The following UBR3 variants were observed in gnomAD, a reference collection of about 807,000 sequenced individuals.
UBR3 encodes E3 ubiquitin-protein ligase UBR3.
A neutral mutation model predicts 243.2 loss-of-function variants in UBR3; 85 were observed. That is an observed-to-expected ratio of 0.35 (90% CI 0.29 to 0.42). The LOEUF (loss-of-function observed/expected upper bound fraction) is 0.42, where lower values mean the gene tolerates loss of function less well. UBR3 is among the 10% of genes least tolerant of loss of function. The pLI, the probability that UBR3 is intolerant of heterozygous loss-of-function variation, is 1.00. For synonymous variants in UBR3, 748 were observed against 799.8 expected (o/e 0.94, Z 1.09); for missense variants, 1,686 against 2,300.8 (o/e 0.73, Z 5.47).
chr2:169,955,462 A>G (rs888483909), intron 23 of UBR3, among the ~76,000 whole-genome samples: 1 of 151,844 alleles, frequency 6.6e-6, no homozygotes, highest in African/African-American at 2.4e-5. Context: ...TATTCCCATC[A>G]TTCTTTGAGC....
At chr2:169,888,860 A>G (rs2084214368) in intron 5 of UBR3, among the ~76,000 whole-genome samples, 1 of 152,136 alleles carries the variant, frequency 6.6e-6, no homozygotes, top group African/African-American at 2.4e-5. Flanking sequence ...TTTTCTTTAT[A>G]TGGTACAGGT....
At chr2:170,031,222 G>A (rs1009587287) in intron 31 of UBR3, among the ~76,000 whole-genome samples, 5 of 151,936 alleles carry the variant, frequency 3.3e-5, no homozygotes, top group African/African-American at 9.7e-5. Flanking sequence ...TAGGATTACC[G>A]GTGCGCACCA....
At chr2:169,978,640 A>T (rs1184488797) in intron 24 of UBR3, among the ~76,000 whole-genome samples, 27 of 152,138 alleles carry the variant, frequency 1.8e-4, no homozygotes, top group Admixed American at 1.7e-3. Context: ...GCTTGGCAGT[A>T]TCCCAGACTC....
intron 10 of UBR3, among the ~76,000 whole-genome samples, chr2:169,912,011 A>G (rs1235509625): frequency 4.6e-5 from 7 of 152,202 alleles, no homozygotes. Flanking sequence ...GCATGAAGCT[A>G]TATTATAATA....
At chr2:170,028,128 G>T (rs1038647663) in intron 30 of UBR3, among the ~76,000 whole-genome samples, 3 of 151,838 alleles carry the variant, frequency 2.0e-5, no homozygotes, top group Non-Finnish European at 4.4e-5. Flanking sequence ...TCCTCTGTTC[G>T]TTATAGAGAG....
At chr2:169,871,072 T>C (rs2083423334) in intron 1 of UBR3, among the ~76,000 whole-genome samples, 1 of 152,186 alleles carries the variant, frequency 6.6e-6, no homozygotes, top group Admixed American at 6.5e-5. Context: ...CCCTTCTACT[T>C]ATTTCTAGGC....
chr2:169,943,710 G>C (rs532374486), intron 20 of UBR3, among the ~76,000 whole-genome samples: 252 of 152,118 alleles, frequency 1.7e-3, no homozygotes, highest in Non-Finnish European at 1.5e-3. Flanking sequence ...AAAACCTATT[G>C]TTCTTCTTCC....
intron 30 of UBR3, among the ~76,000 whole-genome samples, chr2:170,025,373 A>G (rs2090502277): frequency 6.6e-6 from 1 of 152,198 alleles, no homozygotes; most frequent in Admixed American, 6.6e-5. Context: ...ACAGAGCAGC[A>G]CATGAACTGG....
At position 169,942,076 on chromosome 2, in the gene UBR3, T is replaced by A. The variant is rs374655361; in HGVS notation, c.2664-417T>A. Among the ~76,000 whole-genome samples, 6 of 152,328 alleles carry A rather than the reference T, an allele frequency of 3.9e-5. No homozygotes were observed. In the East Asian group the frequency reaches 9.6e-4, roughly 24 times the overall value. ...TCTGGTAACTGGAGAATTCCACTTT[T>A]GTGTGAGCTCAAATACGCATTCAAA... is the stretch of plus-strand genomic sequence containing the variant. On this transcript the variant is annotated intron_variant, in intron 19 of 38. Coordinates refer to ENST00000272793, the MANE Select transcript of UBR3 (RefSeq NM_172070.4).
chr2:170,062,896 C>T (rs1487576344), intron 35 of UBR3, among the ~76,000 whole-genome samples: 1 of 152,150 alleles, frequency 6.6e-6, no homozygotes, highest in Non-Finnish European at 1.5e-5. Context: ...GAAAGAAATA[C>T]ATTCAATATG....
At chr2:169,965,150 A>C (rs2087749202) in intron 24 of UBR3, among the ~76,000 whole-genome samples, 1 of 152,200 alleles carries the variant, frequency 6.6e-6, no homozygotes, top group African/African-American at 2.4e-5. Flanking sequence ...TAAAACTTGC[A>C]AAGTCACATG....
rs2091447934 is a variant in UBR3 at position 170,061,091 on chromosome 2, G to A, written c.4798G>A (p.Ala1600Thr). The change falls in exon 34 of 39, where the codon GCA (alanine) becomes ACA (threonine). Residue 1600 changes from alanine to threonine, a missense_variant. Ala to Thr is a moderately conservative substitution (Grantham distance 58, BLOSUM62 0). Transcript: ENST00000272793. ...TTAATTTTTTCAGAGTACATGTGAT[G>A]CAGAAAAGTCTTACGAAGTATTACT... is the stretch of plus-strand genomic sequence containing the variant. The part of the protein sequence containing the change: ...AGALKKSTCD[A>T]EKSYEVLLSF... The A allele has an allele frequency of 1.9e-6, 3 of 1,570,658 alleles. No homozygotes were observed. The highest frequency in any genetic ancestry group is 1.7e-6 in the Non-Finnish European group (2 of 1,165,934).
chr2:169,990,087 A>T (rs1304799632), intron 25 of UBR3, among the ~76,000 whole-genome samples: 1 of 152,182 alleles, frequency 6.6e-6, no homozygotes, highest in Admixed American at 6.5e-5. Context: ...TTATTGTTCT[A>T]GATCTTTTTA....
intron 14 of UBR3, among the ~76,000 whole-genome samples, chr2:169,925,982 C>G (rs1240841610): frequency 1.3e-5 from 2 of 151,712 alleles, no homozygotes; most frequent in East Asian, 3.9e-4. Context: ...TAGGCCAGAG[C>G]CTTTATTGGG....
chr2:170,011,507 A>G (rs528258308), intron 29 of UBR3, among the ~76,000 whole-genome samples: 1 of 152,178 alleles, frequency 6.6e-6, no homozygotes, highest in South Asian at 2.1e-4. Context: ...GTGGAATACA[A>G]CCCTCATTTC....
chr2:169,970,593 C>A lies in UBR3; in HGVS notation c.3634+12067C>A, dbSNP rs1460799733. Among the ~76,000 whole-genome samples the A allele has an allele frequency of 2.6e-5, 3 of 114,084 alleles. 1 individual carries two copies. The highest frequency in any genetic ancestry group is 9.0e-5 in the African/African-American group (3 of 33,176). The allele number at this position is 114,084 out of a possible 152,430, so 74.8% of individuals were successfully genotyped here. On this transcript the variant is annotated intron_variant, in intron 24 of 38. Coordinates refer to ENST00000272793, the MANE Select transcript of UBR3 (RefSeq NM_172070.4). Reference sequence around the variant, plus strand: ...TGCAGTGTTTGGTTTTTTGTTCTTGCAATAGTTTGCTGAGAATGATGATTT... The same window carrying A: ...TGCAGTGTTTGGTTTTTTGTTCTTGAAATAGTTTGCTGAGAATGATGATTT...
At chr2:169,890,236 A>C (rs1021738411) in intron 5 of UBR3, among the ~76,000 whole-genome samples, 2 of 152,032 alleles carry the variant, frequency 1.3e-5, no homozygotes, top group Non-Finnish European at 2.9e-5. Flanking sequence ...GAGGTGCACC[A>C]CTACTTTTAC....
At chr2:170,008,193 C>T (rs2089980880) in intron 28 of UBR3, among the ~76,000 whole-genome samples, 1 of 152,160 alleles carries the variant, frequency 6.6e-6, no homozygotes, top group Non-Finnish European at 1.5e-5. Context: ...AAAAATTTCA[C>T]CTTCATTATA....
intron 8 of UBR3, among the ~76,000 whole-genome samples, chr2:169,899,547 T>C (rs1029061622): frequency 6.6e-6 from 1 of 152,276 alleles, no homozygotes; most frequent in East Asian, 1.9e-4. Context: ...CTGGGGTACA[T>C]GTACAGAATG....
Sources: allele counts gnomAD v4.1 joint callset (sites outside exome capture counted in the v4.1 genomes callset), GRCh38; gene constraint gnomAD v4.1.1; transcripts MANE v1.5; gene names NCBI Gene and HGNC (gene_info 2026-07-23, HGNC 2026-07-21).